The following ANKEF1 variants were observed in gnomAD, a reference collection of about 807,000 sequenced individuals.
ANKEF1 encodes ankyrin repeat and EF-hand domain containing 1.
Under a neutral mutation model 65.1 loss-of-function variants are expected in ANKEF1, and 43 were observed. The ratio of observed to expected loss-of-function variants is 0.66; its 90% CI spans 0.52 to 0.85. The LOEUF (loss-of-function observed/expected upper bound fraction) is 0.85, where lower values mean the gene tolerates loss of function less well. Ranked by LOEUF, ANKEF1 falls within the 40% of genes least tolerant of loss-of-function variation. The pLI is 0.00. For synonymous variants in ANKEF1, 316 were observed against 341.5 expected, an observed-to-expected ratio of 0.93 and a Z score of 0.82; for missense variants, 934 against 952.9, an observed-to-expected ratio of 0.98 and a Z score of 0.26.
rs1985184778 is a variant in ANKEF1, at chr20:10,056,596, A to T, written c.*936A>T. The T allele has an allele frequency of 6.6e-6, 1 of 152,080 alleles. No individual in the cohort carries two copies. The highest frequency in any genetic ancestry group is 2.4e-5 in the African/African-American group (1 of 41,418). The allele number at this position is 152,080 out of a possible 1,614,324, so 9.4% of individuals were successfully genotyped here. A position where few individuals can be genotyped will look rare whatever the true frequency, so the allele number is the denominator to read the frequency against. On this transcript the variant is annotated 3_prime_UTR_variant, in exon 11 of 11. Coordinates refer to ENST00000378392, the MANE Select transcript of ANKEF1 (RefSeq NM_022096.6). ...TGGGCCCCAGATGGTTAAGTGCTAA[A>T]TTTGTAGGGTAGGCTATCAGGAAGT...
At chr20:10,050,534 ATTCCTAGCCCCT>A (rs1309496408) in intron 7 of ANKEF1, among the ~76,000 whole-genome samples, 6 of 152,212 alleles carry the variant, frequency 3.9e-5, no homozygotes, top group Non-Finnish European at 5.9e-5. Flanking sequence ...GTTATGTTAG[ATTCCTAGCCCCT>A]TTATTAAAGC....
chr20:10,038,500 C>T lies in ANKEF1; in HGVS notation c.199C>T (p.Leu67Phe), dbSNP rs1408317251. 1.9e-6 allele frequency: 3 copies of T among 1,614,132 alleles called. No homozygotes were observed. The highest frequency in any genetic ancestry group is 2.5e-6 in the Non-Finnish European group (3 of 1,180,054). Residue 67 changes from leucine (L) to phenylalanine (F), a missense_variant, in exon 3 of 11, where the codon CTC becomes TTC. Physicochemically the swap from Leu to Phe is conservative, Grantham distance 22. Coordinates refer to ENST00000378392, the MANE Select transcript of ANKEF1 (RefSeq NM_022096.6). ...CAATGATATTGATATGGTCAGCTTT[C>T]TCCTTGACCTTGGTGCTCACCCTGA... ...VSNDIDMVSF[L>F]LDLGAHPDVQ...
At position 10,055,531 on chromosome 20, in the gene ANKEF1, G is replaced by A. The variant is rs777080365; in HGVS notation, c.2202G>A (p.Glu734=). 9 of 1,613,622 alleles carry A rather than the reference G, an allele frequency of 5.6e-6. No individual in the cohort carries two copies. In the East Asian group the frequency reaches 1.3e-4, roughly 24 times the overall value. Residue 734 remains glutamate (E), a synonymous_variant, in exon 11 of 11, where the codon GAG becomes GAA. Coordinates refer to ENST00000378392, the MANE Select transcript of ANKEF1 (RefSeq NM_022096.6). The stretch of plus-strand genomic sequence containing the variant: ...GGAGTCCTGAAGCCACAACAGCAGA[G>A]CTGATCAGGAAGAGGGAACTACGGC... ...RIWSPEATTA[E]LIRKRELRRE...
chr20:10,038,866 A>G (rs1345126415), intron 3 of ANKEF1, among the ~76,000 whole-genome samples: 2 of 152,250 alleles, frequency 1.3e-5, no homozygotes, highest in South Asian at 2.1e-4. Context: ...GCTTGCTCAT[A>G]TACTTAGATT....
Position 10,051,948 on chromosome 20 carries a change from A to G in ANKEF1, c.1870+59A>G, listed in dbSNP as rs1440142798. On this transcript the variant is annotated intron_variant, in intron 8 of 10. Coordinates refer to ENST00000378392, the MANE Select transcript of ANKEF1 (RefSeq NM_022096.6). ...AAAAGGAGAACTTATGTTAGATTCT[A>G]AGCCCCTTCTGATTCTATTCTCGTA... 4.5e-5 allele frequency: 59 copies of G among 1,302,304 alleles called. No individual in the cohort carries two copies. The East Asian group carries it at 1.4e-3, about 31-fold the overall frequency. 80.7% of individuals were successfully genotyped at this position (1,302,304 alleles called of 1,614,324 possible). A position where few individuals can be genotyped will look rare whatever the true frequency, so the allele number is the denominator to read the frequency against.
chr20:10,045,176 A>G lies in ANKEF1; in HGVS notation c.697-398A>G, dbSNP rs554375178. ...ACAAAGATAGAAACCACGTTTGGTAAAGAATTTTCCCCTTGGATGCTGTTT... is the reference window on the plus strand; with the variant it reads ...ACAAAGATAGAAACCACGTTTGGTAGAGAATTTTCCCCTTGGATGCTGTTT... On this transcript the variant is annotated intron_variant, in intron 5 of 10. Coordinates refer to ENST00000378392, the MANE Select transcript of ANKEF1 (RefSeq NM_022096.6). 7.9e-4 allele frequency among the ~76,000 whole-genome samples: 121 copies of G among 152,334 alleles called. 1 individual carries two copies. The highest frequency in any genetic ancestry group is 1.2e-3 in the Admixed American group (19 of 15,314).
At chr20:10,037,220 A>G (rs1026771634) in intron 2 of ANKEF1, among the ~76,000 whole-genome samples, 4 of 152,178 alleles carry the variant, frequency 2.6e-5, no homozygotes, top group African/African-American at 9.7e-5. Flanking sequence ...GTATTTACCC[A>G]CAAAGTGGTA....
At chr20:10,043,621 T>C (rs1238236394) in intron 4 of ANKEF1, among the ~76,000 whole-genome samples, 2 of 151,292 alleles carry the variant, frequency 1.3e-5, no homozygotes, top group African/African-American at 4.9e-5. Context: ...AGAAAATATA[T>C]AGTTCTGCTG....
chr20:10,044,381 AT>A lies in ANKEF1; in HGVS notation c.547-10del. 6.2e-7 allele frequency: 1 copy of A among 1,613,418 alleles called. No individual in the cohort carries two copies. The highest frequency in any genetic ancestry group is 8.5e-7 in the Non-Finnish European group (1 of 1,179,520). ...TATAAACAGCATCTCATATTGGACT[AT>A]TTCATGTCCAGTCCACAGGCCGCAC... On this transcript the variant is annotated splice_polypyrimidine_tract_variant and intron_variant, in intron 4 of 10. Transcript: ENST00000378392.
rs750377351 is a variant in ANKEF1 at position 10,049,556 on chromosome 20, G to C, written c.987G>C (p.Leu329=). 5 of 1,614,128 alleles carry C rather than the reference G, an allele frequency of 3.1e-6. No homozygotes were observed. The highest frequency in any genetic ancestry group is 4.2e-6 in the Non-Finnish European group (5 of 1,180,012). Residue 329 remains leucine, a synonymous_variant, in exon 7 of 11, where the codon CTG becomes CTC. Coordinates refer to ENST00000378392, the MANE Select transcript of ANKEF1 (RefSeq NM_022096.6). ...KNPNPLWALR[L]HDWSVEREAF... is the part of the protein sequence containing the mutation. Reference sequence around the variant, plus strand: ...CAAATCCACTGTGGGCCCTTAGACTGCACGATTGGTCCGTAGAACGTGAGG... The same window carrying C: ...CAAATCCACTGTGGGCCCTTAGACTCCACGATTGGTCCGTAGAACGTGAGG...
chr20:10,038,226 C>A, intron 2 of ANKEF1, 32 bp from the exon 3 acceptor site: 1 of 927,496 alleles, frequency 1.1e-6, no homozygotes, highest in Non-Finnish European at 1.5e-6. Flanking sequence ...ATAAAATTAA[C>A]TTTGAGTTAT....
chr20:10,038,496 C>A lies in ANKEF1; in HGVS notation c.195C>A (p.Ser65Arg), dbSNP rs1334422185. The change falls in exon 3 of 11, where the codon AGC becomes AGA. Residue 65 changes from serine to arginine, a missense_variant. Physicochemically the swap from Ser to Arg is moderately radical, Grantham distance 110 (BLOSUM62 -1). Coordinates refer to ENST00000378392, the MANE Select transcript of ANKEF1 (RefSeq NM_022096.6). ...ASVSNDIDMV[S>R]FLLDLGAHPD... ...TTTCCAATGATATTGATATGGTCAG[C>A]TTTCTCCTTGACCTTGGTGCTCACC... 1 of 1,614,232 alleles carries A rather than the reference C, an allele frequency of 6.2e-7. No individual in the cohort carries two copies. The highest frequency in any genetic ancestry group is 1.7e-5 in the Admixed American group (1 of 60,032).
intron 3 of ANKEF1, among the ~76,000 whole-genome samples, chr20:10,042,754 G>T (rs1984265180): frequency 6.6e-6 from 1 of 152,098 alleles, no homozygotes; most frequent in South Asian, 2.1e-4. Flanking sequence ...TTTTAGAGGG[G>T]ACCGGGGGAC....
chr20:10,035,320 C>G lies in ANKEF1; in HGVS notation c.-122C>G, dbSNP rs1460175076. 1 of 152,402 alleles carries G rather than the reference C, an allele frequency of 6.6e-6. No homozygotes were observed. The highest frequency in any genetic ancestry group is 1.5e-5 in the Non-Finnish European group (1 of 68,176). 9.4% of individuals were successfully genotyped at this position (152,402 alleles called of 1,614,324 possible). On this transcript the variant is annotated 5_prime_UTR_variant, in exon 1 of 11. Coordinates refer to ENST00000378392, the MANE Select transcript of ANKEF1 (RefSeq NM_022096.6). The stretch of plus-strand genomic sequence containing the variant: ...CAGAGATCCCTGGCTTCTGATCGCC[C>G]GGAAGACTAAGAGGTGAGCATGACA...
intron 7 of ANKEF1, among the ~76,000 whole-genome samples, chr20:10,050,770 A>G (rs1211559769): frequency 6.6e-6 from 1 of 152,134 alleles, no homozygotes; most frequent in Non-Finnish European, 1.5e-5. Flanking sequence ...CTTCACCTAG[A>G]TGGTGTGGAG....
At position 10,054,482 on chromosome 20, in the gene ANKEF1, T is replaced by C; in HGVS notation, c.2055T>C (p.Tyr685=). 1 of 1,581,598 alleles carries C rather than the reference T, an allele frequency of 6.3e-7. No individual in the cohort carries two copies. The highest frequency in any genetic ancestry group is 8.6e-7 in the Non-Finnish European group (1 of 1,169,198). Residue 685 remains tyrosine (Y), a synonymous_variant, in exon 10 of 11, where the codon TAT becomes TAC. Coordinates refer to ENST00000378392, the MANE Select transcript of ANKEF1 (RefSeq NM_022096.6). ...KKEEELLSSI[Y]GVPTTSEGKK... Reference sequence around the variant, plus strand: ...TCCAGGAACTGCTGTCATCAATTTATGGTGTACCAACCACATCAGAGGGAA... The same window carrying C: ...TCCAGGAACTGCTGTCATCAATTTACGGTGTACCAACCACATCAGAGGGAA...
At chr20:10,043,014 C>T in intron 3 of ANKEF1, 108 bp from the exon 4 acceptor site, 2 of 1,054,576 alleles carry the variant, frequency 1.9e-6, no homozygotes, top group Non-Finnish European at 2.7e-6. Context: ...GAAACTGAGG[C>T]AGATATGCCT....
At chr20:10,046,467 T>C (rs953383240) in intron 6 of ANKEF1, among the ~76,000 whole-genome samples, 1 of 152,230 alleles carries the variant, frequency 6.6e-6, no homozygotes, top group Admixed American at 6.5e-5. Context: ...AAAATTTTCA[T>C]GGAAAATTTG....
chr20:10,036,191 C>T (rs569393448), intron 2 of ANKEF1, among the ~76,000 whole-genome samples: 2 of 152,336 alleles, frequency 1.3e-5, no homozygotes, highest in African/African-American at 4.8e-5. Context: ...GAAACCGACC[C>T]ATGGACCTAC....
Sources: allele counts gnomAD v4.1 joint callset (sites outside exome capture counted in the v4.1 genomes callset), GRCh38; gene constraint gnomAD v4.1.1; transcripts MANE v1.5; gene names NCBI Gene and HGNC (gene_info 2026-07-23, HGNC 2026-07-21).